Variants in KDM4C observed in about 807,000 individuals in gnomAD.
KDM4C encodes lysine demethylase 4C, also known as lysine-specific demethylase 4C.
A neutral mutation model predicts 129.3 loss-of-function variants in KDM4C; 81 were observed. The observed-to-expected ratio is 0.63, with a 90% confidence interval of 0.52 to 0.75. The LOEUF (loss-of-function observed/expected upper bound fraction) is 0.75, where lower values mean the gene tolerates loss of function less well. KDM4C is among the 30% of genes least tolerant of loss of function. The pLI, the probability that KDM4C is intolerant of heterozygous loss-of-function variation, is 0.00. For missense variants in KDM4C, 1,457 were observed against 1,304.0 expected, an observed-to-expected ratio of 1.12 and a Z score of -1.81; for synonymous variants, 573 against 456.1, an observed-to-expected ratio of 1.26 and a Z score of -3.26.
At chr9:6,928,171 C>G (rs1253242000) in intron 8 of KDM4C, among the ~76,000 whole-genome samples, 2 of 152,198 alleles carry the variant, frequency 1.3e-5, no homozygotes, top group African/African-American at 4.8e-5. Context: ...ACCCCTCACC[C>G]TCTCCATCCT....
intron 15 of KDM4C, among the ~76,000 whole-genome samples, chr9:7,019,711 A>G (rs1392940793): frequency 1.9e-5 from 2 of 107,464 alleles, no homozygotes; most frequent in African/African-American, 8.2e-5. Context: ...ATTTTTATAT[A>G]TAAAAATATA....
chr9:6,980,532 T>A (rs971973901), intron 8 of KDM4C, among the ~76,000 whole-genome samples: 2 of 152,226 alleles, frequency 1.3e-5, no homozygotes, highest in African/African-American at 4.8e-5. Context: ...AATCACACAT[T>A]CATTGGGTTA....
At chr9:6,747,804 T>C (rs1445619018) in intron 1 of KDM4C, among the ~76,000 whole-genome samples, 1 of 152,202 alleles carries the variant, frequency 6.6e-6, no homozygotes, top group African/African-American at 2.4e-5. Flanking sequence ...ATCTAGAATT[T>C]AGAGGGAGTG....
chr9:7,145,487 C>T (rs977533156), intron 19 of KDM4C, among the ~76,000 whole-genome samples: 4 of 152,198 alleles, frequency 2.6e-5, no homozygotes, highest in Non-Finnish European at 5.9e-5. Flanking sequence ...TACCCCCACT[C>T]TGCTGTGCTC....
chr9:6,895,305 A>G (rs1216697486), intron 8 of KDM4C, among the ~76,000 whole-genome samples: 1 of 152,222 alleles, frequency 6.6e-6, no homozygotes, highest in Non-Finnish European at 1.5e-5. Context: ...CTGGGGAAGA[A>G]TTCATTTCCT....
intron 3 of KDM4C, among the ~76,000 whole-genome samples, chr9:6,807,548 G>A (rs951521799): frequency 6.7e-6 from 1 of 150,092 alleles, no homozygotes; most frequent in African/African-American, 2.4e-5. Flanking sequence ...CATCTGGGAT[G>A]TGAGGAGCGC....
At chr9:6,875,489 T>G (rs769096314) in intron 5 of KDM4C, among the ~76,000 whole-genome samples, 6 of 152,202 alleles carry the variant, frequency 3.9e-5, no homozygotes, top group Non-Finnish European at 7.3e-5. Context: ...TGGTGCCTGG[T>G]AGGTAGAACT....
At position 6,799,842 on chromosome 9, in the gene KDM4C, T is replaced by G. The variant is rs546677171; in HGVS notation, c.145-5757T>G. On this transcript the variant is annotated intron_variant, in intron 2 of 21. Transcript: ENST00000381309. ...ATAGTGCCCCTCCCCTTTCAATATG[T>G]CATCAAAATAGTAAGGTTATTCATA... 3.3e-5 allele frequency among the ~76,000 whole-genome samples: 5 copies of G among 152,036 alleles called. No individual in the cohort carries two copies. The East Asian group carries it at 9.6e-4, about 29-fold the overall frequency.
intron 8 of KDM4C, among the ~76,000 whole-genome samples, chr9:6,942,993 G>A (rs528229270): frequency 1.3e-5 from 2 of 152,032 alleles, no homozygotes; most frequent in Non-Finnish European, 2.9e-5. Flanking sequence ...AGCCTCCTGA[G>A]TAGCTACGAC....
rs1346408680 is a variant in KDM4C at position 7,128,103 on chromosome 9, A to C, written c.2648A>C (p.Gln883Pro). The change falls in exon 19 of 22, where the codon CAA becomes CCA. Residue 883 changes from glutamine to proline, a missense_variant. By Grantham distance (76) the Gln-to-Pro change is moderately conservative (BLOSUM62 -1). Coordinates refer to ENST00000381309, the MANE Select transcript of KDM4C (RefSeq NM_015061.6). ...TGCGAGAAGGTCATTTCCGTGGGTC[A>C]AACGGTCATCACGAAGCATCGGAAC... The part of the protein sequence containing the change: ...KACEKVISVG[Q>P]TVITKHRNTR... 6.2e-7 allele frequency: 1 copy of C among 1,608,386 alleles called. No homozygotes were observed. The highest frequency in any genetic ancestry group is 1.3e-5 in the African/African-American group (1 of 74,558).
At chr9:6,734,326 C>T (rs1446873622) in intron 1 of KDM4C, among the ~76,000 whole-genome samples, 2 of 135,370 alleles carry the variant, frequency 1.5e-5, no homozygotes, top group Admixed American at 7.9e-5. Flanking sequence ...TGGAGTTTCG[C>T]TCTTGTTGCC....
At chr9:6,876,261 G>A (rs540839226) in intron 5 of KDM4C, among the ~76,000 whole-genome samples, 1 of 152,236 alleles carries the variant, frequency 6.6e-6, no homozygotes, top group South Asian at 2.1e-4. Context: ...TAGCCAAAAG[G>A]CCGAGAAGTG....
intron 8 of KDM4C, among the ~76,000 whole-genome samples, chr9:6,958,840 G>A (rs190430818): frequency 3.9e-4 from 60 of 152,038 alleles, no homozygotes; most frequent in Non-Finnish European, 4.7e-4. Flanking sequence ...GCTAATTTTT[G>A]TGTTTTTCAT....
intron 8 of KDM4C, among the ~76,000 whole-genome samples, chr9:6,921,319 C>T (rs190276833): frequency 4.6e-5 from 7 of 152,332 alleles, no homozygotes; most frequent in African/African-American, 1.7e-4. Context: ...AGGCTGATTA[C>T]TTCACACGTC....
chr9:7,026,329 G>A (rs188069338), intron 15 of KDM4C, among the ~76,000 whole-genome samples: 25 of 152,098 alleles, frequency 1.6e-4, no homozygotes, highest in African/African-American at 5.1e-4. Context: ...TTTACGTTCA[G>A]AGGATATTTT....
At chr9:7,148,559 G>A (rs913508971) in intron 19 of KDM4C, among the ~76,000 whole-genome samples, 2 of 152,218 alleles carry the variant, frequency 1.3e-5, no homozygotes, top group Non-Finnish European at 2.9e-5. Flanking sequence ...CCACTGTCTG[G>A]GAGTGTATCA....
chr9:7,048,280 G>T (rs112374825), intron 16 of KDM4C, among the ~76,000 whole-genome samples: 3,028 of 152,112 alleles, frequency 0.02, 122 homozygotes, highest in African/African-American at 0.069. Context: ...TGCCCTGGTG[G>T]GATCGATACT....
At chr9:7,116,174 T>C in intron 18 of KDM4C, among the ~76,000 whole-genome samples, 1 of 152,206 alleles carries the variant, frequency 6.6e-6, no homozygotes. Context: ...TGAAACTTTC[T>C]TCTTTGCAAG....
At chr9:7,015,812 GA>G in intron 14 of KDM4C, 40 bp from the exon 15 acceptor site, 3 of 1,385,888 alleles carry the variant, frequency 2.2e-6, no homozygotes, top group Non-Finnish European at 2.1e-6. Context: ...TTTTAAAGGT[GA>G]AAAAGACCTA....
Sources: gnomAD v4.1 joint callset for allele counts (sites outside exome capture counted in the v4.1 genomes callset) on GRCh38, gnomAD v4.1.1 for gene constraint, MANE v1.5 for transcripts, NCBI Gene and HGNC (gene_info 2026-07-23, HGNC 2026-07-21) for gene names.